Variants in FAM83D observed in about 807,000 individuals in gnomAD.
FAM83D encodes scaffolding CK1 anchoring protein D.
Under a neutral mutation model 25.4 loss-of-function variants are expected in FAM83D, and 26 were observed. The observed-to-expected ratio is 1.02, with a 90% CI of 0.75 to 1.42. The LOEUF is 1.42. FAM83D is among the 40% of genes most tolerant of loss of function. FAM83D has a pLI of 0.00. For missense variants in FAM83D, 740 were observed against 758.1 expected (o/e 0.98, Z 0.28); for synonymous variants, 310 against 318.5 (o/e 0.97, Z 0.28).
intron 1 of FAM83D, among the ~76,000 whole-genome samples, chr20:38,939,012 T>G (rs2085690289): frequency 6.6e-6 from 1 of 152,200 alleles, no homozygotes; most frequent in Non-Finnish European, 1.5e-5. Flanking sequence ...TGAAACTGAT[T>G]CCTTGGTTGG....
intron 3 of FAM83D, among the ~76,000 whole-genome samples, chr20:38,948,838 C>G (rs898228812): frequency 6.6e-6 from 1 of 152,204 alleles, no homozygotes; most frequent in South Asian, 2.1e-4. Flanking sequence ...AAAATCTTGA[C>G]ACCTTTCTTT....
intron 1 of FAM83D, among the ~76,000 whole-genome samples, chr20:38,936,047 G>C (rs1357707660): frequency 1.3e-5 from 2 of 152,220 alleles, no homozygotes; most frequent in Non-Finnish European, 1.5e-5. Flanking sequence ...CAGCAGCCAG[G>C]ATGTTATTGA....
chr20:38,951,527 T>G lies in FAM83D; in HGVS notation c.777-12T>G. The G allele has an allele frequency of 6.2e-7, 1 of 1,601,614 alleles. No homozygotes were observed. Among genetic ancestry groups the G allele is most frequent in the Non-Finnish European group, 8.5e-7 (1 of 1,173,356 alleles). On this transcript the variant is annotated splice_polypyrimidine_tract_variant and intron_variant, in intron 3 of 3. Transcript: ENST00000619850. ...CTTACCAGCTGCTGTTTGTTTCTTT[T>G]TAATCTTTAAGTTTTACATGGACGG... is the stretch of plus-strand genomic sequence containing the variant.
Position 38,951,600 on chromosome 20 carries a change from G to A in FAM83D, c.838G>A (p.Val280Ile), listed in dbSNP as rs1186668915. The stretch of plus-strand genomic sequence containing the variant: ...CTTGGTAATTCTGTCTGGCCAAGTG[G>A]TTGAACACTTTGATCTGGAGTTCCG... ...SNLVILSGQV[V>I]EHFDLEFRIL... The change falls in exon 4 of 4, where the codon GTT (valine) becomes ATT (isoleucine). Residue 280 changes from valine to isoleucine, a missense_variant. Transcript: ENST00000619850. The A allele has an allele frequency of 6.2e-7, 1 of 1,614,188 alleles. No individual in the cohort carries two copies. Among genetic ancestry groups the A allele is most frequent in the Non-Finnish European group, 8.5e-7 (1 of 1,180,036 alleles).
intron 1 of FAM83D, among the ~76,000 whole-genome samples, chr20:38,932,872 C>T (rs1258707648): frequency 1.3e-5 from 2 of 152,194 alleles, no homozygotes; most frequent in Non-Finnish European, 1.5e-5. Context: ...TGACCTCACC[C>T]TCGGGCATCC....
chr20:38,932,668 T>C (rs2085663187), intron 1 of FAM83D, among the ~76,000 whole-genome samples: 2 of 152,244 alleles, frequency 1.3e-5, no homozygotes, highest in Non-Finnish European at 2.9e-5. Context: ...TTGGCTGGGC[T>C]GTGGCCGCCT....
chr20:38,945,944 A>G lies in FAM83D; in HGVS notation c.652-1932A>G, dbSNP rs564118874. On this transcript the variant is annotated intron_variant, in intron 2 of 3. Coordinates refer to ENST00000619850, the MANE Select transcript of FAM83D (RefSeq NM_030919.3). ...ACTAGCTAGCTGGGTGCAGTGGCTC[A>G]CGCCTGTAATCCCAGCACTTTGGGA... Among the ~76,000 whole-genome samples, 19 of 152,076 alleles carry G rather than the reference A, an allele frequency of 1.2e-4. No homozygotes were observed. The South Asian group carries it at 1.7e-3, about 13-fold the overall frequency.
intron 3 of FAM83D, among the ~76,000 whole-genome samples, chr20:38,950,530 G>A (rs1485824053): frequency 6.6e-6 from 1 of 152,186 alleles, no homozygotes; most frequent in Non-Finnish European, 1.5e-5. Context: ...CCATGACTGT[G>A]GGTCCTCCAC....
At chr20:38,935,006 A>G (rs1298105937) in intron 1 of FAM83D, among the ~76,000 whole-genome samples, 1 of 152,232 alleles carries the variant, frequency 6.6e-6, no homozygotes, top group Non-Finnish European at 1.5e-5. Context: ...ACATAGTTAT[A>G]TACATAATAC....
chr20:38,941,423 T>C (rs2085701516), intron 1 of FAM83D, among the ~76,000 whole-genome samples: 1 of 152,144 alleles, frequency 6.6e-6, no homozygotes, highest in Non-Finnish European at 1.5e-5. Flanking sequence ...AGTCAGAGAT[T>C]ATGATTCAAA....
intron 2 of FAM83D, 84 bp from the exon 3 acceptor site, chr20:38,947,792 T>G: frequency 6.6e-7 from 1 of 1,512,156 alleles, no homozygotes; most frequent in African/African-American, 1.4e-5. Context: ...AATTGTAAAC[T>G]AAGGCTTTTT....
rs1409394100 is a variant in FAM83D at position 38,931,949 on chromosome 20, T to G, written c.483+5024T>G. Among the ~76,000 whole-genome samples, 3 of 152,254 alleles carry G rather than the reference T, an allele frequency of 2.0e-5. No individual in the cohort carries two copies. The East Asian group carries it at 5.8e-4, about 29-fold the overall frequency. On this transcript the variant is annotated intron_variant, in intron 1 of 3. Coordinates refer to ENST00000619850, the MANE Select transcript of FAM83D (RefSeq NM_030919.3). ...GAAAAGTAGTTCAGGTGATTCTGTCTGCCTTTCCACTCAGCAAGTATTTGT... is the reference window on the plus strand; with the variant it reads ...GAAAAGTAGTTCAGGTGATTCTGTCGGCCTTTCCACTCAGCAAGTATTTGT...
At chr20:38,941,813 G>A (rs1023758722) in intron 1 of FAM83D, 146 bp from the exon 2 acceptor site, 5 of 763,334 alleles carry the variant, frequency 6.6e-6, no homozygotes, top group Non-Finnish European at 1.1e-5. Context: ...GGTGAGGGGG[G>A]CACCAACACT....
intron 1 of FAM83D, among the ~76,000 whole-genome samples, chr20:38,936,501 G>T: frequency 6.6e-6 from 1 of 152,174 alleles, no homozygotes; most frequent in East Asian, 1.9e-4. Context: ...TCAATCATCC[G>T]TGGTGAGCTT....
intron 1 of FAM83D, among the ~76,000 whole-genome samples, chr20:38,930,537 G>A (rs2145799551): frequency 6.6e-6 from 1 of 152,166 alleles, no homozygotes; most frequent in East Asian, 1.9e-4. Flanking sequence ...CTGGAGTGCA[G>A]TGGCATGATC....
At chr20:38,930,042 G>A (rs568261692) in intron 1 of FAM83D, among the ~76,000 whole-genome samples, 6 of 152,314 alleles carry the variant, frequency 3.9e-5, no homozygotes, top group African/African-American at 9.6e-5. Flanking sequence ...GGTGGGGAGA[G>A]GTGACAGCAG....
At position 38,927,003 on chromosome 20, in the gene FAM83D, G is replaced by C. The variant is rs2085638883; in HGVS notation, c.483+78G>C. The C allele has an allele frequency of 6.4e-6, 9 of 1,398,990 alleles. No individual in the cohort carries two copies. In the South Asian group the frequency reaches 9.5e-5, roughly 15 times the overall value. 86.7% of individuals were successfully genotyped at this position (1,398,990 alleles called of 1,614,324 possible). ...GGAAATTGAGGCCTGCTGGGAGTAC[G>C]GGCCGGGGCCACTACCTCCTCTGCG... On this transcript the variant is annotated intron_variant, in intron 1 of 3. Coordinates refer to ENST00000619850, the MANE Select transcript of FAM83D (RefSeq NM_030919.3).
At chr20:38,941,369 C>G (rs1163355254) in intron 1 of FAM83D, among the ~76,000 whole-genome samples, 2 of 152,302 alleles carry the variant, frequency 1.3e-5, no homozygotes, top group Non-Finnish European at 2.9e-5. Flanking sequence ...GCTTCGATTG[C>G]TTTCGAGTCA....
At chr20:38,928,207 G>A (rs2085644618) in intron 1 of FAM83D, among the ~76,000 whole-genome samples, 2 of 152,256 alleles carry the variant, frequency 1.3e-5, no homozygotes, top group South Asian at 2.1e-4. Context: ...CCCCAGCCAT[G>A]TTAAGACTTG....
Sources: gnomAD v4.1 joint callset for allele counts (sites outside exome capture counted in the v4.1 genomes callset) on GRCh38, gnomAD v4.1.1 for gene constraint, MANE v1.5 for transcripts, NCBI Gene and HGNC (gene_info 2026-07-23, HGNC 2026-07-21) for gene names.